Variants in PSMD1 observed in about 807,000 individuals in gnomAD.
PSMD1 encodes proteasome 26S subunit, non-ATPase 1.
Under a neutral mutation model 119.0 loss-of-function variants are expected in PSMD1, and 18 were observed. That is an observed-to-expected ratio of 0.15 (90% CI 0.10 to 0.22). The LOEUF (loss-of-function observed/expected upper bound fraction) is 0.22. Ranked by LOEUF, PSMD1 falls within the 10% of genes least tolerant of loss-of-function variation. PSMD1 has a pLI of 1.00. For synonymous variants in PSMD1, 374 were observed against 396.6 expected (o/e 0.94, Z 0.68); for missense variants, 702 against 1,158.5 (o/e 0.61, Z 5.72).
At chr2:231,087,258 A>G in intron 16 of PSMD1, 77 bp downstream of exon 16, 1 of 1,260,914 alleles carries the variant, frequency 7.9e-7, no homozygotes, top group Non-Finnish European at 1.1e-6. Flanking sequence ...GAAACTACCA[A>G]ACAGTTTAGT....
intron 7 of PSMD1, among the ~76,000 whole-genome samples, chr2:231,073,952 C>T (rs988539178): frequency 1.3e-5 from 2 of 151,978 alleles, no homozygotes; most frequent in African/African-American, 2.4e-5. Flanking sequence ...TCTTGGTCAT[C>T]TGCAGTTAGA....
chr2:231,121,582 A>AT (rs1290145018), intron 16 of PSMD1, among the ~76,000 whole-genome samples: 2 of 152,012 alleles, frequency 1.3e-5, no homozygotes, highest in African/African-American at 4.8e-5. Flanking sequence ...CTGGATACCT[A>AT]TTTTTCTATA....
At chr2:231,127,364 T>C (rs1695750959) in intron 16 of PSMD1, among the ~76,000 whole-genome samples, 1 of 152,158 alleles carries the variant, frequency 6.6e-6, no homozygotes, top group Non-Finnish European at 1.5e-5. Flanking sequence ...TGTTTTTGTT[T>C]TGTTTTTTGA....
intron 16 of PSMD1, among the ~76,000 whole-genome samples, chr2:231,091,727 C>T (rs1032475408): frequency 5.0e-5 from 4 of 80,776 alleles, no homozygotes; most frequent in East Asian, 7.1e-4. Flanking sequence ...TGTAGATCTA[C>T]GGTGTTTAGG....
chr2:231,093,802 A>G (rs1231166285), intron 16 of PSMD1, among the ~76,000 whole-genome samples: 1 of 152,016 alleles, frequency 6.6e-6, no homozygotes, highest in Non-Finnish European at 1.5e-5. Context: ...TAAGAGTGGA[A>G]TGGGTATGTT....
Position 231,083,719 on chromosome 2 carries a change from A to T in PSMD1, c.1678A>T (p.Met560Leu), listed in dbSNP as rs902307444. The change falls in exon 14 of 25, where the codon ATG (methionine) becomes TTG (leucine). Residue 560 changes from methionine to leucine, a missense_variant. Transcript: ENST00000308696. The stretch of plus-strand genomic sequence containing the variant: ...CATAGCTTTAGTAATGTATGGGAGG[A>T]TGGAAGAGGCTGATGCTCTCATTGA... ...VGIALVMYGR[M>L]EEADALIESL... 11 of 1,614,166 alleles carry T rather than the reference A, an allele frequency of 6.8e-6. No individual in the cohort carries two copies. The highest frequency in any genetic ancestry group is 9.3e-6 in the Non-Finnish European group (11 of 1,180,028).
intron 19 of PSMD1, among the ~76,000 whole-genome samples, chr2:231,159,814 C>T (rs957870130): frequency 9.9e-5 from 15 of 152,194 alleles, no homozygotes; most frequent in African/African-American, 3.4e-4. Flanking sequence ...TTTTCTACGA[C>T]GGGGGTGGGG....
In PSMD1 at chr2:231,170,845, A is replaced by G. The variant is rs1294695822; in HGVS notation, c.*9+124A>G. On this transcript the variant is annotated intron_variant, in intron 24 of 24. Coordinates refer to ENST00000308696, the MANE Select transcript of PSMD1 (RefSeq NM_002807.4). The surrounding 1 kb of genome is among the most constrained non-coding windows in gnomAD (Gnocchi z 4.1). The stretch of plus-strand genomic sequence containing the variant: ...TTTAATCCTTATTTACCTAAACAGT[A>G]TTAAAACTTCCCCGTTTCAACCTTT... 6.6e-6 allele frequency: 7 copies of G among 1,064,626 alleles called. No individual in the cohort carries two copies. The highest frequency in any genetic ancestry group is 9.0e-6 in the Non-Finnish European group (7 of 773,608). The allele number at this position is 1,064,626 out of a possible 1,614,324, so 65.9% of individuals were successfully genotyped here. A position where few individuals can be genotyped will look rare whatever the true frequency, so the allele number is the denominator to read the frequency against.
At chr2:231,087,223 T>C in intron 16 of PSMD1, 42 bp downstream of exon 16, 1 of 1,565,158 alleles carries the variant, frequency 6.4e-7, no homozygotes, top group Non-Finnish European at 8.8e-7. Context: ...ATTTCATTTT[T>C]TTTGGAAATG....
intron 12 of PSMD1, 91 bp from the exon 13 acceptor site, chr2:231,082,792 T>C: frequency 1.1e-6 from 1 of 937,808 alleles, no homozygotes; most frequent in Non-Finnish European, 1.7e-6. Flanking sequence ...CCTCTGCATA[T>C]TTAATGTGAA....
At chr2:231,114,047 T>A in intron 16 of PSMD1, 1 of 765,838 alleles carries the variant, frequency 1.3e-6, no homozygotes, top group Non-Finnish European at 2.3e-6. Context: ...ATTTTATAAC[T>A]TTAACAACAT....
At chr2:231,071,055 T>G (rs1574707148) in intron 6 of PSMD1, among the ~76,000 whole-genome samples, 1 of 151,980 alleles carries the variant, frequency 6.6e-6, no homozygotes, top group African/African-American at 2.4e-5. Flanking sequence ...CTAACTTGAT[T>G]TTTTACATCA....
intron 4 of PSMD1, among the ~76,000 whole-genome samples, chr2:231,065,538 A>G (rs1389166779): frequency 6.6e-5 from 10 of 150,976 alleles, no homozygotes; most frequent in Admixed American, 6.6e-4. Flanking sequence ...TGACCTCGTG[A>G]TCCACCCGCC....
At chr2:231,117,843 A>G (rs1695395720) in intron 16 of PSMD1, among the ~76,000 whole-genome samples, 1 of 152,166 alleles carries the variant, frequency 6.6e-6, no homozygotes, top group African/African-American at 2.4e-5. Context: ...ACTGAAAAGA[A>G]TACTGAGTTC....
rs1279568450 is a variant in PSMD1 at position 231,161,230 on chromosome 2, T to TCTTTAAAAAAAAAAG, written c.2219-110_2219-109insCTTTAAAAAAAAAAG. 26 of 1,093,338 alleles carry TCTTTAAAAAAAAAAG rather than the reference T, an allele frequency of 2.4e-5. 1 individual carries two copies. The African/African-American group carries it at 4.1e-4, about 17-fold the overall frequency. 67.7% of individuals were successfully genotyped at this position (1,093,338 alleles called of 1,614,324 possible). On this transcript the variant is annotated intron_variant, in intron 19 of 24. Transcript: ENST00000308696. ...CCGAGCTTGGGTAACAGTGAGACCCTATCTCTTTAAAAAAAAAAAAAAGAA... is the reference window on the plus strand; with the variant it reads ...CCGAGCTTGGGTAACAGTGAGACCCTCTTTAAAAAAAAAAGATCTCTTTAAAAAAAAAAAAAAGAA...
At chr2:231,112,128 T>G (rs1285639788) in intron 16 of PSMD1, among the ~76,000 whole-genome samples, 1 of 152,152 alleles carries the variant, frequency 6.6e-6, no homozygotes, top group Non-Finnish European at 1.5e-5. Context: ...CCTTTCTCTG[T>G]CCAACTCTCC....
intron 12 of PSMD1, among the ~76,000 whole-genome samples, chr2:231,081,219 C>T (rs984123315): frequency 6.6e-6 from 1 of 150,764 alleles, no homozygotes; most frequent in Non-Finnish European, 1.5e-5. Flanking sequence ...AGCCACAAAT[C>T]GTGTGTGCAG....
intron 1 of PSMD1, among the ~76,000 whole-genome samples, chr2:231,058,294 G>T (rs772781532): frequency 7.9e-5 from 12 of 152,096 alleles, no homozygotes; most frequent in Non-Finnish European, 1.6e-4. Context: ...TTCATCTCTT[G>T]TCTGGGTTAC....
chr2:231,087,055 A>C, intron 15 of PSMD1, 62 bp from the exon 16 acceptor site: 1 of 1,386,566 alleles, frequency 7.2e-7, no homozygotes, highest in Non-Finnish European at 1.0e-6. Context: ...CTGACCTCTC[A>C]TGTCAGTTTG....
Sources: allele counts gnomAD v4.1 joint callset (sites outside exome capture counted in the v4.1 genomes callset), GRCh38; gene constraint gnomAD v4.1.1; non-coding constraint Gnocchi (gnomAD v3.1); transcripts MANE v1.5; gene names NCBI Gene and HGNC (gene_info 2026-07-23, HGNC 2026-07-21).